Variants in SCP2 observed in about 807,000 individuals in gnomAD.
SCP2 encodes the protein SCP-2/3-oxoacyl-CoA thiolase.
A neutral mutation model predicts 71.4 loss-of-function variants in SCP2; 48 were observed. The observed-to-expected ratio is 0.67, with a 90% CI of 0.53 to 0.86. The LOEUF (loss-of-function observed/expected upper bound fraction) is 0.86. Among genes scored for constraint, SCP2 ranks in the 40% least tolerant of loss-of-function variants. The pLI, the probability that SCP2 is intolerant of heterozygous loss-of-function variation, is 0.00. For missense variants in SCP2, 560 were observed against 655.6 expected (o/e 0.85, Z 1.59); for synonymous variants, 220 against 218.1 (o/e 1.01, Z -0.08).
chr1:53,021,652 T>C (rs1433541124), intron 12 of SCP2, among the ~76,000 whole-genome samples: 1 of 146,336 alleles, frequency 6.8e-6, no homozygotes, highest in Admixed American at 6.9e-5. Flanking sequence ...TTTCTTTTTT[T>C]TTTTTTTTTT....
chr1:52,981,298 T>G (rs917446273), intron 10 of SCP2, among the ~76,000 whole-genome samples: 1 of 152,230 alleles, frequency 6.6e-6, no homozygotes, highest in Non-Finnish European at 1.5e-5. Flanking sequence ...TCGAAACCTG[T>G]GCTGATAATG....
chr1:52,940,225 A>C (rs1239827142), intron 1 of SCP2: 1 of 152,200 alleles, frequency 6.6e-6, no homozygotes, highest in Non-Finnish European at 1.5e-5. Flanking sequence ...GCAACATGGC[A>C]AAACCCCATC....
chr1:52,993,372 G>A (rs41294532), intron 11 of SCP2: 93 of 1,614,088 alleles, frequency 5.8e-5, no homozygotes, highest in African/African-American at 2.7e-4. Flanking sequence ...TTAAGTTGCC[G>A]TGCTAACTGC....
intron 14 of SCP2, among the ~76,000 whole-genome samples, chr1:53,046,522 C>A (rs1308608345): frequency 6.6e-6 from 1 of 152,128 alleles, no homozygotes; most frequent in East Asian, 1.9e-4. Context: ...GATCGTCTAA[C>A]CTTTTCTAGT....
rs1263154391 is a variant in SCP2 at position 53,039,060 on chromosome 1, T to A, written c.1468+14T>A. The A allele has an allele frequency of 6.2e-7, 1 of 1,614,092 alleles. No individual in the cohort carries two copies. The highest frequency in any genetic ancestry group is 2.2e-5 in the East Asian group (1 of 44,876). On this transcript the variant is annotated intron_variant, in intron 14 of 15. Transcript: ENST00000371514. Reference sequence around the variant, plus strand: ...TTCCTAACTCAGGTTAGTTTGGGAATGACTTCATTCTAGGAGCACTGACGA... The same window carrying A: ...TTCCTAACTCAGGTTAGTTTGGGAAAGACTTCATTCTAGGAGCACTGACGA...
chr1:52,986,846 AACCTATGCAC>A (rs972896019), intron 10 of SCP2, among the ~76,000 whole-genome samples: 1 of 151,862 alleles, frequency 6.6e-6, no homozygotes, highest in Non-Finnish European at 1.5e-5. Context: ...TTTTGCATAT[AACCTATGCAC>A]ACCCTCCTGT....
intron 13 of SCP2, among the ~76,000 whole-genome samples, chr1:53,037,905 C>CAGATCCAGATCCTGTCTCTAT (rs1295998631): frequency 7.8e-5 from 8 of 102,754 alleles, no homozygotes; most frequent in African/African-American, 5.1e-4. Context: ...CACACACACA[C>CAGATCCAGATCCTGTCTCTAT]ACACACACAC....
chr1:52,979,224 C>G (rs527870957), intron 9 of SCP2, among the ~76,000 whole-genome samples: 19 of 151,936 alleles, frequency 1.3e-4, no homozygotes, highest in African/African-American at 4.3e-4. Context: ...CAGGCTGGAG[C>G]GTGGTGGTGC....
intron 7 of SCP2, among the ~76,000 whole-genome samples, chr1:52,975,203 T>A (rs966969861): frequency 6.6e-6 from 1 of 151,076 alleles, no homozygotes; most frequent in African/African-American, 2.4e-5. Context: ...TTTTTTTAGA[T>A]GGCATCTCAC....
Position 52,941,786 on chromosome 1 carries a change from A to T in SCP2, c.70-10A>T. The stretch of plus-strand genomic sequence containing the variant: ...TTGTTTGTATTTATTATCTCTTTCT[A>T]TATCTCTAGTTTGTGAAGCCTGGAG... On this transcript the variant is annotated splice_polypyrimidine_tract_variant and intron_variant, in intron 1 of 15. Coordinates refer to ENST00000371514, the MANE Select transcript of SCP2 (RefSeq NM_002979.5). 1 of 1,571,782 alleles carries T rather than the reference A, an allele frequency of 6.4e-7. No individual in the cohort carries two copies. Among genetic ancestry groups the T allele is most frequent in the Non-Finnish European group, 8.8e-7 (1 of 1,141,782 alleles).
Position 52,954,202 on chromosome 1 carries a change from C to G in SCP2, c.332-538C>G, listed in dbSNP as rs981882912. Among the ~76,000 whole-genome samples, 28 of 150,304 alleles carry G rather than the reference C, an allele frequency of 1.9e-4. No homozygotes were observed. In the Middle Eastern group the frequency reaches 0.01, roughly 56 times the overall value. ...CACATTCGTGTGCCACCCCATTCAA[C>G]TAATAGAGAGCTGAGGTGGGAGGAT... On this transcript the variant is annotated intron_variant, in intron 4 of 15. Coordinates refer to ENST00000371514, the MANE Select transcript of SCP2 (RefSeq NM_002979.5).
chr1:53,020,706 T>C (rs6686866), intron 12 of SCP2, among the ~76,000 whole-genome samples: 20,859 of 152,132 alleles, frequency 0.14, 2,040 homozygotes, highest in East Asian at 0.32. Context: ...CATTGAAGCC[T>C]ACAGCTTGGC....
chr1:52,927,645 G>T (rs1273359427), intron 1 of SCP2, among the ~76,000 whole-genome samples, 180 bp downstream of exon 1: 1 of 152,158 alleles, frequency 6.6e-6, no homozygotes, highest in Non-Finnish European at 1.5e-5. Flanking sequence ...TGGTTCCTGC[G>T]GCCTTCTGCT....
chr1:52,960,480 ATGTGTGTGTGTG>A (rs71044447), intron 5 of SCP2, among the ~76,000 whole-genome samples: 62 of 139,598 alleles, frequency 4.4e-4, no homozygotes, highest in African/African-American at 1.0e-3. Context: ...TACTATGTAT[ATGTGTGTGTGTG>A]TGTGTGTGTG....
chr1:52,975,407 T>C (rs538908712), intron 7 of SCP2, among the ~76,000 whole-genome samples: 62 of 152,152 alleles, frequency 4.1e-4, no homozygotes, highest in Non-Finnish European at 7.6e-4. Context: ...TCTTGAACTT[T>C]GACCTCGTGA....
intron 14 of SCP2, among the ~76,000 whole-genome samples, chr1:53,042,059 C>T (rs962027376): frequency 2.0e-4 from 31 of 152,168 alleles, no homozygotes; most frequent in Admixed American, 1.6e-3. Context: ...TTAGGGCATC[C>T]GTCTAGTGTG....
rs372982209 is a variant in SCP2, at chr1:53,011,111, C to G, written c.1082-3779C>G. The stretch of plus-strand genomic sequence containing the variant: ...ATGCTGAGTCTATGAAAACTTTTTG[C>G]TGTTTGAAGCTCAACAAGCCTTTTC... On this transcript the variant is annotated intron_variant, in intron 11 of 15. Coordinates refer to ENST00000371514, the MANE Select transcript of SCP2 (RefSeq NM_002979.5). Among the ~76,000 whole-genome samples, 46 of 152,278 alleles carry G rather than the reference C, an allele frequency of 3.0e-4. No homozygotes were observed. In the Middle Eastern group the frequency reaches 0.014, roughly 45 times the overall value.
At chr1:53,013,921 A>G in intron 11 of SCP2, among the ~76,000 whole-genome samples, 4 of 93,564 alleles carry the variant, frequency 4.3e-5, no homozygotes, top group African/African-American at 1.2e-4. Flanking sequence ...TTTGAGACGG[A>G]GTCTTGCTCT....
intron 14 of SCP2, among the ~76,000 whole-genome samples, chr1:53,046,201 T>A (rs1336683434): frequency 6.6e-6 from 1 of 152,204 alleles, no homozygotes; most frequent in Non-Finnish European, 1.5e-5. Context: ...GTTCATATAG[T>A]ATGTGTATGT....
Sources: gnomAD v4.1 joint callset for allele counts (sites outside exome capture counted in the v4.1 genomes callset) on GRCh38, gnomAD v4.1.1 for gene constraint, MANE v1.5 for transcripts, NCBI Gene and HGNC (gene_info 2026-07-23, HGNC 2026-07-21) for gene names.